NRG1: variants seen among roughly 807,000 people sequenced by gnomAD.
NRG1 encodes pro-neuregulin-1, membrane-bound isoform.
A neutral mutation model predicts 63.8 loss-of-function variants in NRG1; 18 were observed. That is an observed-to-expected ratio of 0.28 (90% CI 0.19 to 0.42). The LOEUF (loss-of-function observed/expected upper bound fraction) is 0.42, where lower values mean the gene tolerates loss of function less well. Ranked by LOEUF, NRG1 falls within the 10% of genes least tolerant of loss-of-function variation. The pLI, the probability that NRG1 is intolerant of heterozygous loss-of-function variation, is 1.00. For missense variants in NRG1, 762 were observed against 814.7 expected, an observed-to-expected ratio of 0.94 and a Z score of 0.79; for synonymous variants, 302 against 301.3, an observed-to-expected ratio of 1.00 and a Z score of -0.02.
intron 1 of NRG1, among the ~76,000 whole-genome samples, chr8:32,282,781 T>G (rs995765712): frequency 6.6e-6 from 1 of 152,234 alleles, no homozygotes; most frequent in African/African-American, 2.4e-5. Context: ...TTTAAAGGAA[T>G]CATAATTCCT....
At chr8:31,681,857 A>G (rs988290021) in intron 1 of NRG1, among the ~76,000 whole-genome samples, 2 of 152,074 alleles carry the variant, frequency 1.3e-5, no homozygotes, top group African/African-American at 4.8e-5. Flanking sequence ...GAGTTCCCAT[A>G]TAGCCTTCAT....
At chr8:32,441,914 G>A (rs1819598955) in intron 1 of NRG1, among the ~76,000 whole-genome samples, 2 of 152,108 alleles carry the variant, frequency 1.3e-5, no homozygotes, top group South Asian at 2.1e-4. Context: ...TATCTTAACC[G>A]TATCACAGAA....
intron 1 of NRG1, among the ~76,000 whole-genome samples, chr8:31,949,959 A>G (rs1586006770): frequency 6.6e-6 from 1 of 152,140 alleles, no homozygotes; most frequent in South Asian, 2.1e-4. Context: ...CAAAGCTTAT[A>G]CCATCCATTA....
At chr8:31,674,953 A>G (rs1018054288) in intron 1 of NRG1, among the ~76,000 whole-genome samples, 11 of 152,286 alleles carry the variant, frequency 7.2e-5, no homozygotes, top group Admixed American at 2.0e-4. Flanking sequence ...CCCTTCTCTG[A>G]GGTCCCACAG....
chr8:32,097,006 C>T (rs981614404), intron 1 of NRG1, among the ~76,000 whole-genome samples: 7 of 152,204 alleles, frequency 4.6e-5, no homozygotes, highest in Non-Finnish European at 1.0e-4. Flanking sequence ...CTCACTCCCT[C>T]ATCCTTCCCT....
intron 1 of NRG1, among the ~76,000 whole-genome samples, chr8:31,941,221 A>C (rs1801698987): frequency 6.6e-6 from 1 of 152,114 alleles, no homozygotes; most frequent in Non-Finnish European, 1.5e-5. Flanking sequence ...GTTTCACACT[A>C]GGGATGCAGG....
chr8:32,463,483 G>A (rs529577186), intron 1 of NRG1, among the ~76,000 whole-genome samples: 1 of 152,064 alleles, frequency 6.6e-6, no homozygotes, highest in Non-Finnish European at 1.5e-5. Context: ...TTTTTTATAC[G>A]AGTCAGTGTA....
chr8:32,089,310 T>C (rs949874610), intron 1 of NRG1, among the ~76,000 whole-genome samples: 2 of 152,226 alleles, frequency 1.3e-5, no homozygotes, highest in Non-Finnish European at 2.9e-5. Flanking sequence ...AAAGAACACC[T>C]TCTTAACCTT....
At chr8:31,763,480 T>C (rs1817750436) in intron 1 of NRG1, among the ~76,000 whole-genome samples, 1 of 152,202 alleles carries the variant, frequency 6.6e-6, no homozygotes, top group South Asian at 2.1e-4. Context: ...GACTTCTCTG[T>C]TTAGCTTCCC....
intron 1 of NRG1, among the ~76,000 whole-genome samples, chr8:32,312,153 G>GT (rs767575805): frequency 0.15 from 14,453 of 96,790 alleles, 2,148 homozygotes; most frequent in South Asian, 0.22. Context: ...ATTTGACCTT[G>GT]TTTGTTTTTT....
intron 1 of NRG1, among the ~76,000 whole-genome samples, chr8:32,082,705 C>T (rs1827652063): frequency 6.6e-6 from 1 of 152,062 alleles, no homozygotes; most frequent in Non-Finnish European, 1.5e-5. Context: ...TGAACTCCTA[C>T]TTTTAGTATC....
At chr8:32,177,436 AC>A (rs1431551230) in intron 1 of NRG1, among the ~76,000 whole-genome samples, 1 of 152,054 alleles carries the variant, frequency 6.6e-6, no homozygotes, top group East Asian at 1.9e-4. Flanking sequence ...TATGTAACTA[AC>A]CTGCATGTTG....
intron 1 of NRG1, chr8:32,441,444 C>T (rs1819533830): frequency 6.6e-6 from 1 of 151,866 alleles, no homozygotes; most frequent in Admixed American, 6.6e-5. Context: ...ATGGTAAGAC[C>T]CTGTCTCCAA....
At chr8:32,759,217 G>A in intron 9 of NRG1, 89 bp from the exon 10 acceptor site, 1 of 1,407,056 alleles carries the variant, frequency 7.1e-7, no homozygotes, top group Non-Finnish European at 9.7e-7. Context: ...TTCTGACAGT[G>A]TTAACGTTTT....
At chr8:32,548,912 T>TC in intron 1 of NRG1, 86 bp downstream of exon 1, 1 of 1,422,396 alleles carries the variant, frequency 7.0e-7, no homozygotes, top group Non-Finnish European at 9.3e-7. Context: ...GGCCTCTCCC[T>TC]CCCCCTCTCC....
chr8:32,379,069 G>A (rs570760881), intron 1 of NRG1, among the ~76,000 whole-genome samples: 11 of 99,000 alleles, frequency 1.1e-4, no homozygotes, highest in Admixed American at 6.9e-4. Flanking sequence ...GAATAGTGCC[G>A]CAATAAACAT....
At chr8:32,345,800 T>C (rs1750534074) in intron 1 of NRG1, among the ~76,000 whole-genome samples, 1 of 151,952 alleles carries the variant, frequency 6.6e-6, no homozygotes, top group Non-Finnish European at 1.5e-5. Flanking sequence ...TGACAAACCC[T>C]GTCTCTACTA....
At chr8:32,405,478 G>C (rs1005702346) in intron 1 of NRG1, among the ~76,000 whole-genome samples, 11 of 152,168 alleles carry the variant, frequency 7.2e-5, no homozygotes, top group African/African-American at 2.4e-4. Context: ...TATATACATA[G>C]ATGAGTAATT....
intron 1 of NRG1, among the ~76,000 whole-genome samples, chr8:31,774,203 T>C (rs576785398): frequency 6.6e-6 from 1 of 152,220 alleles, no homozygotes; most frequent in East Asian, 1.9e-4. Flanking sequence ...TTTGCACTTG[T>C]GGTTGCCTCT....
Sources: allele counts gnomAD v4.1 joint callset (sites outside exome capture counted in the v4.1 genomes callset), GRCh38; gene constraint gnomAD v4.1.1; transcripts MANE v1.5; gene names NCBI Gene and HGNC (gene_info 2026-07-23, HGNC 2026-07-21).